The following PDZRN4 variants were observed in gnomAD, a reference collection of about 807,000 sequenced individuals.
PDZRN4 encodes the protein PDZ domain containing ring finger 4, also known as PDZ domain-containing RING finger protein 4.
Under a neutral mutation model 99.0 loss-of-function variants are expected in PDZRN4, and 70 were observed. The observed-to-expected ratio is 0.71, with a 90% CI of 0.58 to 0.86. PDZRN4 has a LOEUF of 0.86. PDZRN4 is among the 40% of genes least tolerant of loss of function. The pLI, the probability that PDZRN4 is intolerant of heterozygous loss-of-function variation, is 0.00. For missense variants in PDZRN4, 1,474 were observed against 1,331.2 expected (o/e 1.11, Z -1.67); for synonymous variants, 551 against 501.6 (o/e 1.10, Z -1.32).
intron 3 of PDZRN4, among the ~76,000 whole-genome samples, chr12:41,301,271 C>T (rs563475223): frequency 7.2e-4 from 109 of 152,124 alleles, no homozygotes; most frequent in Admixed American, 2.6e-3. Context: ...CAGATACGCA[C>T]TGTGAGGATT....
intron 3 of PDZRN4, among the ~76,000 whole-genome samples, chr12:41,482,755 A>G (rs371854608): frequency 1.3e-5 from 2 of 152,104 alleles, no homozygotes; most frequent in East Asian, 3.9e-4. Flanking sequence ...ATGATACATT[A>G]TAGAAGAAGA....
chr12:41,437,661 A>G (rs1952642010), intron 3 of PDZRN4: 1 of 896,814 alleles, frequency 1.1e-6, no homozygotes, highest in Non-Finnish European at 1.5e-6. Flanking sequence ...GAATCTGTGT[A>G]GTCATGTGCA....
intron 3 of PDZRN4, among the ~76,000 whole-genome samples, chr12:41,302,787 C>G (rs577970092): frequency 2.6e-5 from 4 of 151,984 alleles, no homozygotes; most frequent in African/African-American, 9.7e-5. Context: ...GCACTCCTCC[C>G]CCATCCATAA....
chr12:41,512,003 C>T (rs1332319270), intron 5 of PDZRN4, among the ~76,000 whole-genome samples: 1 of 152,042 alleles, frequency 6.6e-6, no homozygotes, highest in African/African-American at 2.4e-5. Context: ...GGATGAGCAC[C>T]TTAAGGAAGT....
intron 5 of PDZRN4, among the ~76,000 whole-genome samples, chr12:41,533,930 A>G (rs1592100478): frequency 6.6e-6 from 1 of 151,918 alleles, no homozygotes; most frequent in Admixed American, 6.5e-5. Context: ...TTTCTCATCC[A>G]ATTTTTTTTC....
chr12:41,320,335 T>C (rs929915015), intron 3 of PDZRN4, among the ~76,000 whole-genome samples: 5 of 152,224 alleles, frequency 3.3e-5, no homozygotes, highest in African/African-American at 9.6e-5. Context: ...ATTTCATCTC[T>C]CCTGATGTGT....
intron 3 of PDZRN4, among the ~76,000 whole-genome samples, chr12:41,365,980 T>C (rs1320876828): frequency 6.6e-6 from 1 of 152,102 alleles, no homozygotes; most frequent in Non-Finnish European, 1.5e-5. Flanking sequence ...ATGAGCAAAT[T>C]GCTACTGTGG....
rs1368107240 is a variant in PDZRN4 at position 41,573,318 on chromosome 12, G to A, written c.2539G>A (p.Ala847Thr). Residue 847 changes from alanine to threonine, a missense_variant, in exon 10 of 10, where the codon GCC (alanine) becomes ACC (threonine). Coordinates refer to ENST00000402685, the MANE Select transcript of PDZRN4 (RefSeq NM_001164595.2). Reference protein sequence around the residue: ...SYRYANIPAHARHYQSYMQLI... With the variant: ...SYRYANIPAHTRHYQSYMQLI... Reference sequence around the variant, plus strand: ...TAGATATGCAAACATCCCAGCACACGCCCGGCATTATCAAAGCTACATGCA... The same window carrying A: ...TAGATATGCAAACATCCCAGCACACACCCGGCATTATCAAAGCTACATGCA... 4 of 1,613,162 alleles carry A rather than the reference G, an allele frequency of 2.5e-6. No homozygotes were observed. Among genetic ancestry groups the A allele is most frequent in the Non-Finnish European group, 2.5e-6 (3 of 1,179,986 alleles).
chr12:41,538,191 AGG>A (rs1565609168), intron 5 of PDZRN4, among the ~76,000 whole-genome samples: 3 of 152,170 alleles, frequency 2.0e-5, no homozygotes, highest in African/African-American at 7.2e-5. Context: ...GGAAATACAA[AGG>A]TATATTAAAA....
At chr12:41,382,308 G>A (rs543529185) in intron 3 of PDZRN4, among the ~76,000 whole-genome samples, 1 of 152,252 alleles carries the variant, frequency 6.6e-6, no homozygotes, top group East Asian at 1.9e-4. Context: ...ACAATTGGGT[G>A]AGACCACAGG....
At chr12:41,366,942 T>C (rs930175035) in intron 3 of PDZRN4, among the ~76,000 whole-genome samples, 2 of 151,782 alleles carry the variant, frequency 1.3e-5, no homozygotes, top group South Asian at 2.1e-4. Flanking sequence ...GATGAGAGGG[T>C]GCTGGGGTGG....
chr12:41,210,820 C>T (rs1336206707), intron 3 of PDZRN4, among the ~76,000 whole-genome samples: 3 of 151,830 alleles, frequency 2.0e-5, no homozygotes, highest in African/African-American at 4.8e-5. Flanking sequence ...GTTTAAAACC[C>T]CAGAATTGCA....
intron 3 of PDZRN4, among the ~76,000 whole-genome samples, chr12:41,458,366 A>G (rs1356583783): frequency 6.6e-6 from 1 of 152,192 alleles, no homozygotes; most frequent in East Asian, 1.9e-4. Flanking sequence ...CACATCGGCC[A>G]GGCTGGTCTT....
intron 3 of PDZRN4, among the ~76,000 whole-genome samples, chr12:41,311,384 G>T (rs1217310038): frequency 6.6e-6 from 1 of 152,078 alleles, no homozygotes; most frequent in African/African-American, 2.4e-5. Flanking sequence ...GAATGAGGCG[G>T]TGTGATGTCA....
At chr12:41,305,585 ATCT>A (rs1371032208) in intron 3 of PDZRN4, among the ~76,000 whole-genome samples, 2 of 152,004 alleles carry the variant, frequency 1.3e-5, no homozygotes, top group Non-Finnish European at 2.9e-5. Context: ...AGGTCTCTTC[ATCT>A]TCTTACAAGG....
At chr12:41,549,224 G>A (rs1939013321) in intron 5 of PDZRN4, among the ~76,000 whole-genome samples, 1 of 152,172 alleles carries the variant, frequency 6.6e-6, no homozygotes, top group South Asian at 2.1e-4. Context: ...GCTTCCAAGT[G>A]ACAGAGGGAA....
intron 3 of PDZRN4, among the ~76,000 whole-genome samples, chr12:41,455,027 T>C (rs12322329): frequency 0.1 from 15,630 of 152,278 alleles, 795 homozygotes; most frequent in Middle Eastern, 0.12. Context: ...TAGACTATTG[T>C]ATTGGACAGT....
At chr12:41,329,089 C>A (rs1046651502) in intron 3 of PDZRN4, among the ~76,000 whole-genome samples, 1 of 152,132 alleles carries the variant, frequency 6.6e-6, no homozygotes, top group African/African-American at 2.4e-5. Context: ...ATTTCTTCCT[C>A]TGCAAGTGAA....
rs146859040 is a variant in PDZRN4 at position 41,361,263 on chromosome 12, A to G, written c.844-145193A>G. Among the ~76,000 whole-genome samples the G allele has an allele frequency of 2.0e-3, 306 of 152,196 alleles. 1 individual carries two copies. Among genetic ancestry groups the G allele is most frequent in the Non-Finnish European group, 3.5e-3 (241 of 67,960 alleles). ...AATTAGCTTTCAGTAACTTCTTTCT[A>G]TTCCATTTAATTTTAAAATAAAGTC... On this transcript the variant is annotated intron_variant, in intron 3 of 9. Coordinates refer to ENST00000402685, the MANE Select transcript of PDZRN4 (RefSeq NM_001164595.2).
Sources: allele counts gnomAD v4.1 joint callset (sites outside exome capture counted in the v4.1 genomes callset), GRCh38; gene constraint gnomAD v4.1.1; transcripts MANE v1.5; gene names NCBI Gene and HGNC (gene_info 2026-07-23, HGNC 2026-07-21).